The following VCL variants were observed in gnomAD, a reference collection of about 807,000 sequenced individuals.
VCL encodes epididymis luminal protein 114.
Under a neutral mutation model 125.7 loss-of-function variants are expected in VCL, and 47 were observed. The ratio of observed to expected loss-of-function variants is 0.37; its 90% CI spans 0.30 to 0.48. VCL has a LOEUF of 0.48. VCL is among the 20% of genes least tolerant of loss of function. The pLI, the probability that VCL is intolerant of heterozygous loss-of-function variation, is 0.99. For missense variants in VCL, 1,069 were observed against 1,455.5 expected, an observed-to-expected ratio of 0.73 and a Z score of 4.32; for synonymous variants, 458 against 514.6, an observed-to-expected ratio of 0.89 and a Z score of 1.49.
intron 1 of VCL, among the ~76,000 whole-genome samples, chr10:74,011,195 A>C (rs1840429104): frequency 1.4e-5 from 2 of 147,946 alleles, no homozygotes; most frequent in South Asian, 2.1e-4. Flanking sequence ...AAAAAAAGAC[A>C]CGGGATCAAA....
chr10:74,107,227 T>C lies in VCL; in HGVS notation c.2435-3T>C, dbSNP rs1554819048. The C allele has an allele frequency of 6.2e-7, 1 of 1,614,218 alleles. No individual in the cohort carries two copies. The highest frequency in any genetic ancestry group is 2.2e-5 in the East Asian group (1 of 44,894). Reference sequence around the variant, plus strand: ...GCTGAAAGTGAGGATGTCTTGTGTTTAGGACTGCAAAAGAGCTTCCTGGAC... The same window carrying C: ...GCTGAAAGTGAGGATGTCTTGTGTTCAGGACTGCAAAAGAGCTTCCTGGAC... On this transcript the variant is annotated splice_region_variant and splice_polypyrimidine_tract_variant and intron_variant, in intron 16 of 21. Transcript: ENST00000211998.
intron 19 of VCL, 44 bp from the exon 20 acceptor site, chr10:74,114,140 C>A (rs1293807582): frequency 6.2e-7 from 1 of 1,607,294 alleles, no homozygotes; most frequent in African/African-American, 1.3e-5. Context: ...TTAACATGGC[C>A]AGAGCGTGGG....
At chr10:74,014,205 A>G (rs1238889101) in intron 1 of VCL, among the ~76,000 whole-genome samples, 2 of 152,028 alleles carry the variant, frequency 1.3e-5, no homozygotes, top group East Asian at 3.8e-4. Flanking sequence ...TCAAGCATTA[A>G]TTGTCTTTTC....
At chr10:74,056,631 A>G (rs1270694293) in intron 2 of VCL, among the ~76,000 whole-genome samples, 1 of 152,124 alleles carries the variant, frequency 6.6e-6, no homozygotes, top group African/African-American at 2.4e-5. Context: ...CATACTTGCT[A>G]CTTGAATTAG....
chr10:74,014,085 C>G (rs1474454601), intron 1 of VCL, among the ~76,000 whole-genome samples: 1 of 152,056 alleles, frequency 6.6e-6, no homozygotes, highest in South Asian at 2.1e-4. Context: ...AGATAGACAT[C>G]TAAATTTTTA....
chr10:74,117,973 A>C lies in VCL; in HGVS notation c.3259-50A>C, dbSNP rs190812782. The C allele has an allele frequency of 2.5e-6, 4 of 1,612,438 alleles. No individual in the cohort carries two copies. The East Asian group carries it at 8.9e-5, about 36-fold the overall frequency. ...CCTGGCTGAAACCTATTTTAGAGAC[A>C]GGCCTGCATCAGGGACCCTGGGTAA... On this transcript the variant is annotated intron_variant, in intron 21 of 21. Transcript: ENST00000211998.
intron 1 of VCL, 91 bp downstream of exon 1, chr10:73,998,466 G>C: frequency 8.0e-7 from 1 of 1,254,594 alleles, no homozygotes; most frequent in East Asian, 3.3e-5. Flanking sequence ...CGGCTCGCTG[G>C]CCGTGGCTTT....
chr10:74,117,763 G>C (rs1840332949), intron 21 of VCL, among the ~76,000 whole-genome samples: 1 of 152,226 alleles, frequency 6.6e-6, no homozygotes, highest in African/African-American at 2.4e-5. Flanking sequence ...ACAGGAAACA[G>C]CAAGTCCTGA....
intron 1 of VCL, among the ~76,000 whole-genome samples, chr10:74,002,508 C>G (rs757384963): frequency 5.9e-5 from 9 of 152,092 alleles, no homozygotes; most frequent in Non-Finnish European, 1.2e-4. Context: ...ATTGGAGAAT[C>G]AGGGAAGGCT....
In VCL at chr10:74,097,656, A is replaced by G. The variant is rs1839992326; in HGVS notation, c.1872+324A>G. Among the ~76,000 whole-genome samples, 1 of 152,188 alleles carries G rather than the reference A, an allele frequency of 6.6e-6. No individual in the cohort carries two copies. Among genetic ancestry groups the G allele is most frequent in the Non-Finnish European group, 1.5e-5 (1 of 68,028 alleles). ...AAATATCATGAAAGCTGGCATTTCT[A>G]TGATTTTCTAGGTCATTTTCTCAGG... On this transcript the variant is annotated intron_variant, in intron 13 of 21. Coordinates refer to ENST00000211998, the MANE Select transcript of VCL (RefSeq NM_014000.3). This position sits in a 1 kb window ranked among gnomAD's most constrained non-coding sequence, Gnocchi z 4.1.
chr10:74,039,245 C>T (rs1255320005), intron 1 of VCL, among the ~76,000 whole-genome samples: 2 of 151,984 alleles, frequency 1.3e-5, no homozygotes, highest in Non-Finnish European at 2.9e-5. Flanking sequence ...TCAGTCTAGT[C>T]TTCATCCCCC....
At chr10:74,050,927 A>C (rs1267167703) in intron 2 of VCL, among the ~76,000 whole-genome samples, 1 of 137,192 alleles carries the variant, frequency 7.3e-6, no homozygotes, top group Non-Finnish European at 1.5e-5. Flanking sequence ...ATTTAGTACT[A>C]CTGTATTTTT....
In VCL at chr10:74,118,845, A is replaced by C. The variant is rs1370480911; in HGVS notation, c.*676A>C. 1.3e-5 allele frequency: 2 copies of C among 156,436 alleles called. No homozygotes were observed. The highest frequency in any genetic ancestry group is 3.4e-3 in the Middle Eastern group (1 of 294). The allele number at this position is 156,436 out of a possible 1,614,324, so 9.7% of individuals were successfully genotyped here. On this transcript the variant is annotated 3_prime_UTR_variant, in exon 22 of 22. Coordinates refer to ENST00000211998, the MANE Select transcript of VCL (RefSeq NM_014000.3). ...CTTCACTGTCAGGAAGAAATCACAG[A>C]ATCATATGATTCTGCTTTTACCATG...
chr10:74,072,578 A>G (rs1841677964), intron 4 of VCL, 152 bp from the exon 5 acceptor site: 2 of 1,046,312 alleles, frequency 1.9e-6, no homozygotes, highest in African/African-American at 3.2e-5. Context: ...GTAATGTTGC[A>G]TAAATTAGAG....
At chr10:74,082,586 G>A (rs950580884) in intron 7 of VCL, 42 bp downstream of exon 7, 1 of 1,601,368 alleles carries the variant, frequency 6.2e-7, no homozygotes, top group East Asian at 2.2e-5. Flanking sequence ...ACAACGAGAA[G>A]CTAAAAACCA....
At chr10:74,099,869 A>G (rs1418080723) in intron 13 of VCL, among the ~76,000 whole-genome samples, 1 of 152,218 alleles carries the variant, frequency 6.6e-6, no homozygotes, top group Non-Finnish European at 1.5e-5. Context: ...AGTTAAATCC[A>G]AACAAGAGGC....
chr10:74,082,668 C>A, intron 7 of VCL, 124 bp downstream of exon 7: 1 of 989,534 alleles, frequency 1.0e-6, no homozygotes, highest in South Asian at 1.4e-5. Context: ...ATGGGGCATA[C>A]CCCATTATCT....
At chr10:74,018,306 C>T (rs1456873350) in intron 1 of VCL, among the ~76,000 whole-genome samples, 4 of 151,126 alleles carry the variant, frequency 2.6e-5, no homozygotes, top group African/African-American at 9.7e-5. Flanking sequence ...GATCTACCTG[C>T]CTTGGCCTCC....
intron 10 of VCL, among the ~76,000 whole-genome samples, chr10:74,093,330 CTG>C (rs1191521706): frequency 6.6e-6 from 1 of 152,052 alleles, no homozygotes; most frequent in Admixed American, 6.6e-5. Flanking sequence ...TGTGGCGACT[CTG>C]AAGTCACGGT....
Sources: gnomAD v4.1 joint callset for allele counts (sites outside exome capture counted in the v4.1 genomes callset) on GRCh38, gnomAD v4.1.1 for gene constraint, Gnocchi (gnomAD v3.1) non-coding constraint, MANE v1.5 for transcripts, NCBI Gene and HGNC (gene_info 2026-07-23, HGNC 2026-07-21) for gene names.